The following ADK variants were observed in gnomAD, a reference collection of about 807,000 sequenced individuals.
The protein encoded by ADK is adenosine kinase.
Under a neutral mutation model 44.7 loss-of-function variants are expected in ADK, and 24 were observed. The observed-to-expected ratio is 0.54, with a 90% CI of 0.39 to 0.76. The LOEUF (loss-of-function observed/expected upper bound fraction) is 0.76. Among genes scored for constraint, ADK ranks in the 30% least tolerant of loss-of-function variants. ADK has a pLI of 0.00. For synonymous variants in ADK, 128 were observed against 142.6 expected, an observed-to-expected ratio of 0.90 and a Z score of 0.73; for missense variants, 321 against 425.1, an observed-to-expected ratio of 0.76 and a Z score of 2.15.
At chr10:74,454,673 A>C (rs1185240313) in intron 6 of ADK, among the ~76,000 whole-genome samples, 1 of 152,212 alleles carries the variant, frequency 6.6e-6, no homozygotes, top group Non-Finnish European at 1.5e-5. Flanking sequence ...AAAGTATACT[A>C]TAATTTAAGT....
chr10:74,568,343 C>T (rs536715843), intron 7 of ADK, among the ~76,000 whole-genome samples: 3 of 151,986 alleles, frequency 2.0e-5, no homozygotes, highest in Non-Finnish European at 4.4e-5. Context: ...CACTTTATTG[C>T]AAGTACAGTC....
Position 74,260,546 on chromosome 10 carries a change from C to T in ADK, c.194+35955C>T, listed in dbSNP as rs6480729. ...TGATTATAGGCGTGAGCCACTGTGCCCAGCCTTAGAAATTATTTCTCAATG... is the reference window on the plus strand; with the variant it reads ...TGATTATAGGCGTGAGCCACTGTGCTCAGCCTTAGAAATTATTTCTCAATG... On this transcript the variant is annotated intron_variant, in intron 3 of 10. Coordinates refer to ENST00000539909, the MANE Select transcript of ADK (RefSeq NM_006721.4). Among the ~76,000 whole-genome samples the T allele has an allele frequency of 3.2e-3, 491 of 152,302 alleles. 6 individuals carry two copies. Among genetic ancestry groups the T allele is most frequent in the African/African-American group, 0.011 (460 of 41,568 alleles).
intron 6 of ADK, among the ~76,000 whole-genome samples, chr10:74,417,289 G>C (rs1844407317): frequency 6.6e-6 from 1 of 152,036 alleles, no homozygotes; most frequent in African/African-American, 2.4e-5. Flanking sequence ...TTCAAAAACT[G>C]TACATTTTAA....
At chr10:74,647,493 C>T (rs760636781) in intron 9 of ADK, among the ~76,000 whole-genome samples, 41 of 151,996 alleles carry the variant, frequency 2.7e-4, no homozygotes, top group African/African-American at 7.7e-4. Flanking sequence ...AACTCTGTGC[C>T]GAATGAGCGG....
intron 1 of ADK, among the ~76,000 whole-genome samples, chr10:74,162,268 C>G (rs1423976031): frequency 6.6e-6 from 1 of 151,858 alleles, no homozygotes; most frequent in African/African-American, 2.4e-5. Flanking sequence ...ATCCGCCCAC[C>G]TTGGCCTCCC....
chr10:74,359,542 C>CA (rs928153834), intron 4 of ADK, among the ~76,000 whole-genome samples: 1 of 151,856 alleles, frequency 6.6e-6, no homozygotes, highest in Non-Finnish European at 1.5e-5. Flanking sequence ...ACCGTCCCTA[C>CA]AAAAAAATAT....
At position 74,236,413 on chromosome 10, in the gene ADK, T is replaced by C. The variant is rs564362062; in HGVS notation, c.194+11822T>C. Among the ~76,000 whole-genome samples, 4 of 152,366 alleles carry C rather than the reference T, an allele frequency of 2.6e-5. No individual in the cohort carries two copies. In the South Asian group the frequency reaches 6.2e-4, roughly 24 times the overall value. On this transcript the variant is annotated intron_variant, in intron 3 of 10. Coordinates refer to ENST00000539909, the MANE Select transcript of ADK (RefSeq NM_006721.4). ...TTAAACAATTTTGTGTGGATAATTA[T>C]CTTTGAAGCCTTTGTTAGTACTAAA...
At chr10:74,644,509 C>A (rs1257042043) in intron 9 of ADK, among the ~76,000 whole-genome samples, 1 of 152,118 alleles carries the variant, frequency 6.6e-6, no homozygotes, top group Non-Finnish European at 1.5e-5. Flanking sequence ...CAAACTTTGA[C>A]TTAAGTGAAA....
intron 4 of ADK, among the ~76,000 whole-genome samples, chr10:74,331,492 T>C (rs1018627101): frequency 1.3e-5 from 2 of 152,222 alleles, no homozygotes; most frequent in Non-Finnish European, 2.9e-5. Flanking sequence ...TATTTATTTA[T>C]TTATTTTTTT....
intron 2 of ADK, among the ~76,000 whole-genome samples, chr10:74,207,251 G>A (rs1843639254): frequency 6.6e-6 from 1 of 152,176 alleles, no homozygotes; most frequent in Non-Finnish European, 1.5e-5. Flanking sequence ...AAACCACAGA[G>A]CCCCAAAGAG....
At chr10:74,478,899 C>T (rs1264121394) in intron 6 of ADK, among the ~76,000 whole-genome samples, 1 of 152,224 alleles carries the variant, frequency 6.6e-6, no homozygotes, top group African/African-American at 2.4e-5. Flanking sequence ...TGCCTTTACT[C>T]AGATATGTCT....
chr10:74,608,750 A>G (rs1319055016), intron 9 of ADK, among the ~76,000 whole-genome samples: 1 of 152,132 alleles, frequency 6.6e-6, no homozygotes, highest in African/African-American at 2.4e-5. Context: ...GAGCTCGAGC[A>G]CTGTGCTGGG....
intron 4 of ADK, among the ~76,000 whole-genome samples, chr10:74,321,217 A>G (rs1282743635): frequency 6.6e-6 from 1 of 152,148 alleles, no homozygotes; most frequent in Non-Finnish European, 1.5e-5. Flanking sequence ...ACTGGAATAT[A>G]AGCAGGTAAT....
chr10:74,186,873 G>A (rs145928343), intron 1 of ADK, among the ~76,000 whole-genome samples: 3 of 152,134 alleles, frequency 2.0e-5, no homozygotes, highest in Non-Finnish European at 2.9e-5. Flanking sequence ...GATGGGCTTT[G>A]GGTTATTTCC....
intron 1 of ADK, among the ~76,000 whole-genome samples, chr10:74,151,681 C>T (rs1841594501): frequency 3.3e-5 from 5 of 152,214 alleles, no homozygotes; most frequent in Admixed American, 3.3e-4. Context: ...CGTCTGTAGG[C>T]GGCCGCCTTC....
At chr10:74,419,165 T>C (rs904002302) in intron 6 of ADK, among the ~76,000 whole-genome samples, 1 of 152,074 alleles carries the variant, frequency 6.6e-6, no homozygotes, top group African/African-American at 2.4e-5. Flanking sequence ...AGGAATAGAG[T>C]CTTGTATTTA....
At chr10:74,580,472 G>A (rs1851335813) in intron 7 of ADK, among the ~76,000 whole-genome samples, 1 of 151,940 alleles carries the variant, frequency 6.6e-6, no homozygotes, top group African/African-American at 2.4e-5. Context: ...CTACTTGAGA[G>A]GCTGAGGCAG....
At chr10:74,324,234 T>C (rs1840927812) in intron 4 of ADK, among the ~76,000 whole-genome samples, 1 of 151,992 alleles carries the variant, frequency 6.6e-6, no homozygotes, top group Non-Finnish European at 1.5e-5. Context: ...CTTGCTTTGT[T>C]GCACAGGCTG....
At chr10:74,180,456 CT>C (rs1199684944) in intron 1 of ADK, among the ~76,000 whole-genome samples, 3,089 of 68,202 alleles carry the variant, frequency 0.045, 50 homozygotes, top group African/African-American at 0.17. Flanking sequence ...CCAGGCTAGT[CT>C]TTTTTTTTTT....
Sources: gnomAD v4.1 joint callset for allele counts (sites outside exome capture counted in the v4.1 genomes callset) on GRCh38, gnomAD v4.1.1 for gene constraint, MANE v1.5 for transcripts, NCBI Gene and HGNC (gene_info 2026-07-23, HGNC 2026-07-21) for gene names.